RNF38: variants seen among roughly 807,000 people sequenced by gnomAD.
RNF38 encodes E3 ubiquitin-protein ligase RNF38.
In RNF38, 15 loss-of-function variants were observed where a neutral mutation model predicts 67.2. The observed-to-expected ratio is 0.22, with a 90% CI of 0.15 to 0.34. The LOEUF (loss-of-function observed/expected upper bound fraction) is 0.34. Ranked by LOEUF, RNF38 falls within the 10% of genes least tolerant of loss-of-function variation. The pLI is 1.00. For missense variants in RNF38, 524 were observed against 639.9 expected (o/e 0.82, Z 1.95); for synonymous variants, 220 against 218.8 (o/e 1.01, Z -0.05).
intron 6 of RNF38, 75 bp downstream of exon 6, chr9:36,356,228 C>G: frequency 1.4e-6 from 2 of 1,406,346 alleles, no homozygotes; most frequent in Non-Finnish European, 2.0e-6. Flanking sequence ...GGTTATATAC[C>G]TGGCCTAAAC....
chr9:36,355,187 G>T (rs568500018), intron 6 of RNF38, among the ~76,000 whole-genome samples: 1 of 152,122 alleles, frequency 6.6e-6, no homozygotes, highest in Admixed American at 6.5e-5. Context: ...TACCCAGCAT[G>T]GTATAGAAAT....
chr9:36,447,412 G>A (rs1363406479), intron 1 of RNF38, among the ~76,000 whole-genome samples: 3 of 152,170 alleles, frequency 2.0e-5, no homozygotes, highest in Non-Finnish European at 4.4e-5. Flanking sequence ...TGAATGGAAA[G>A]CCATGATACG....
chr9:36,481,921 T>C (rs915580343), intron 1 of RNF38, among the ~76,000 whole-genome samples: 1 of 152,172 alleles, frequency 6.6e-6, no homozygotes, highest in Admixed American at 6.6e-5. Context: ...GGAATGCTAG[T>C]GCAGGGGGAA....
chr9:36,370,029 G>A lies in RNF38; in HGVS notation c.357-97C>T, dbSNP rs1432305491. Reference sequence around the variant, plus strand: ...GATATCTATCAATAGTATATGCTAAGGTAAGCTTCATTATTAAATAACTGC... The same window carrying A: ...GATATCTATCAATAGTATATGCTAAAGTAAGCTTCATTATTAAATAACTGC... On this transcript the variant is annotated intron_variant, in intron 3 of 11. Transcript: ENST00000259605. 202 of 969,958 alleles carry A rather than the reference G, an allele frequency of 2.1e-4. 4 individuals are homozygous for A. The highest frequency in any genetic ancestry group is 8.9e-4 in the South Asian group (50 of 55,962). The allele number at this position is 969,958 out of a possible 1,614,324, so 60.1% of individuals were successfully genotyped here.
intron 4 of RNF38, among the ~76,000 whole-genome samples, chr9:36,364,518 T>C (rs1316671929): frequency 1.3e-5 from 2 of 152,208 alleles, no homozygotes; most frequent in Non-Finnish European, 2.9e-5. Flanking sequence ...CTGTTGTATA[T>C]GTGGTCTGTT....
chr9:36,477,357 C>A (rs539210662), intron 1 of RNF38, among the ~76,000 whole-genome samples: 1 of 151,494 alleles, frequency 6.6e-6, no homozygotes, highest in African/African-American at 2.4e-5. Flanking sequence ...GCAATCAACT[C>A]TTTGGTGCAT....
chr9:36,377,466 T>G (rs1232888092), intron 2 of RNF38, among the ~76,000 whole-genome samples: 1 of 152,212 alleles, frequency 6.6e-6, no homozygotes, highest in Non-Finnish European at 1.5e-5. Flanking sequence ...CCAAATTACT[T>G]AGCAGTATTC....
chr9:36,425,656 G>A (rs999779264), intron 1 of RNF38, among the ~76,000 whole-genome samples: 2 of 152,014 alleles, frequency 1.3e-5, no homozygotes, highest in African/African-American at 4.8e-5. Flanking sequence ...CCAAGATCAT[G>A]CCACTGCACT....
At chr9:36,480,538 T>C (rs1840227813) in intron 1 of RNF38, among the ~76,000 whole-genome samples, 1 of 127,536 alleles carries the variant, frequency 7.8e-6, no homozygotes, top group Non-Finnish European at 1.7e-5. Flanking sequence ...TATACAGTTT[T>C]TTTCTTTTTC....
chr9:36,405,999 A>C (rs1163890106), upstream of RNF38, among the ~76,000 whole-genome samples: 4 of 152,250 alleles, frequency 2.6e-5, no homozygotes, highest in African/African-American at 9.6e-5. Context: ...TTTACAAAAA[A>C]GTTGACTATG....
rs1832542074 is a variant in RNF38, at chr9:36,337,571, G to GT, written c.*2180dup. 6.6e-6 allele frequency: 1 copy of GT among 152,598 alleles called. No individual in the cohort carries two copies. The highest frequency in any genetic ancestry group is 6.5e-5 in the Admixed American group (1 of 15,272). The allele number at this position is 152,598 out of a possible 1,614,324, so 9.5% of individuals were successfully genotyped here. On this transcript the variant is annotated 3_prime_UTR_variant, in exon 12 of 12. Coordinates refer to ENST00000259605, the MANE Select transcript of RNF38 (RefSeq NM_022781.5). ...AATAAAATGAATACTGAGTGTCGTA[G>GT]TGTTAGATCTGTACAGATATAAATT...
intron 2 of RNF38, among the ~76,000 whole-genome samples, chr9:36,419,257 G>A (rs1378430160): frequency 6.6e-6 from 1 of 152,130 alleles, no homozygotes; most frequent in East Asian, 1.9e-4. Context: ...AAGCGATATT[G>A]AACCTGTAAG....
Position 36,338,922 on chromosome 9 carries a change from T to C in RNF38, c.*830A>G, listed in dbSNP as rs755636934. On this transcript the variant is annotated 3_prime_UTR_variant, in exon 12 of 12. Transcript: ENST00000259605. ...ACAGCAAGTTGGAGATTTAAAAATT[T>C]CCACAACAGAATAAAAAAAAACCAG... 6.6e-6 allele frequency: 1 copy of C among 152,624 alleles called. No homozygotes were observed. The highest frequency in any genetic ancestry group is 2.4e-5 in the African/African-American group (1 of 41,430). The allele number at this position is 152,624 out of a possible 1,614,324, so 9.5% of individuals were successfully genotyped here.
chr9:36,423,739 G>A lies in RNF38; in HGVS notation n.312+874C>T. 7.2e-5 allele frequency among the ~76,000 whole-genome samples: 2 copies of A among 27,778 alleles called. 1 individual carries two copies. Among genetic ancestry groups the A allele is most frequent in the Non-Finnish European group, 2.1e-4 (2 of 9,548 alleles). 18.2% of individuals were successfully genotyped at this position (27,778 alleles called of 152,430 possible). On this transcript the variant is annotated intron_variant and non_coding_transcript_variant, in intron 2 of 3. Transcript: ENST00000488058. ...CCGAGGCGGGCGGATCACGAGGTCA[G>A]GAAATCGAGACCATCCTGGCTAACA...
intron 1 of RNF38, 64 bp from the exon 2 acceptor site, chr9:36,390,680 T>G (rs1439932386): frequency 1.3e-6 from 2 of 1,495,700 alleles, no homozygotes; most frequent in Non-Finnish European, 1.8e-6. Flanking sequence ...GAATCACGCC[T>G]ATGAAGGATA....
At chr9:36,390,333 T>C in intron 2 of RNF38, 134 bp downstream of exon 2, 1 of 712,746 alleles carries the variant, frequency 1.4e-6, no homozygotes, top group African/African-American at 1.8e-5. Flanking sequence ...TAAAGTCCTC[T>C]AAGAAGAATA....
chr9:36,397,618 A>G (rs993687759), intron 1 of RNF38, among the ~76,000 whole-genome samples: 1 of 152,168 alleles, frequency 6.6e-6, no homozygotes, highest in Non-Finnish European at 1.5e-5. Flanking sequence ...AAAACAGCCT[A>G]AGGCTCCCCT....
chr9:36,398,208 CAAG>C (rs982883182), intron 1 of RNF38, among the ~76,000 whole-genome samples: 1 of 152,062 alleles, frequency 6.6e-6, no homozygotes, highest in Non-Finnish European at 1.5e-5. Flanking sequence ...ACAGGAACTA[CAAG>C]AAGATAATAG....
At chr9:36,342,807 G>A (rs1217986193) in intron 10 of RNF38, among the ~76,000 whole-genome samples, 6 of 152,144 alleles carry the variant, frequency 3.9e-5, no homozygotes, top group Admixed American at 3.3e-4. Context: ...TAACCTCTTA[G>A]AAGAAAACAC....
Sources: allele counts gnomAD v4.1 joint callset (sites outside exome capture counted in the v4.1 genomes callset), GRCh38; gene constraint gnomAD v4.1.1; transcripts MANE v1.5; gene names NCBI Gene and HGNC (gene_info 2026-07-23, HGNC 2026-07-21).